The following PCBP2 variants were observed in gnomAD, a reference collection of about 807,000 sequenced individuals.
The protein encoded by PCBP2 is poly(rC)-binding protein 2.
A neutral mutation model predicts 50.1 loss-of-function variants in PCBP2; 4 were observed. The ratio of observed to expected loss-of-function variants is 0.08; its 90% CI spans 0.04 to 0.18. The LOEUF is 0.18. Ranked by LOEUF, PCBP2 falls within the 10% of genes least tolerant of loss-of-function variation. PCBP2 has a pLI of 1.00. For missense variants in PCBP2, 161 were observed against 474.3 expected (o/e 0.34, Z 6.14); for synonymous variants, 179 against 168.0 (o/e 1.07, Z -0.51).
At position 53,464,863 on chromosome 12, in the gene PCBP2, A is replaced by G. The variant is rs1308599452; in HGVS notation, c.672+11A>G. 1 of 1,594,688 alleles carries G rather than the reference A, an allele frequency of 6.3e-7. No individual in the cohort carries two copies. The highest frequency in any genetic ancestry group is 8.5e-7 in the Non-Finnish European group (1 of 1,173,710). ...GGACCACCTCTAGAGGTGAGAGGGG[A>G]TGTTCAGTCTCCAAGGCTCACTCAA... is the stretch of plus-strand genomic sequence containing the variant. On this transcript the variant is annotated intron_variant, in intron 9 of 14. Coordinates refer to ENST00000546463, the MANE Select transcript of PCBP2 (RefSeq NM_031989.5).
chr12:53,466,671 T>C (rs1304145379), intron 10 of PCBP2, among the ~76,000 whole-genome samples: 1 of 152,222 alleles, frequency 6.6e-6, no homozygotes, highest in Non-Finnish European at 1.5e-5. Flanking sequence ...AGGATTATTT[T>C]ATGACAGTCA....
chr12:53,474,387 T>C (rs1477459705), intron 14 of PCBP2, among the ~76,000 whole-genome samples: 1 of 152,268 alleles, frequency 6.6e-6, no homozygotes, highest in Non-Finnish European at 1.5e-5. Flanking sequence ...AAGCAGACTT[T>C]AATACATAGC....
intron 2 of PCBP2, 40 bp from the exon 3 acceptor site, chr12:53,455,307 C>T (rs766608402): frequency 2.5e-5 from 39 of 1,583,042 alleles, no homozygotes; most frequent in Non-Finnish European, 3.4e-5. Flanking sequence ...AGGAATACTT[C>T]TGAGTTTCCT....
At chr12:53,472,850 T>G (rs1481319340) in intron 14 of PCBP2, among the ~76,000 whole-genome samples, 1 of 152,156 alleles carries the variant, frequency 6.6e-6, no homozygotes, top group South Asian at 2.1e-4. Flanking sequence ...GCTACTACTC[T>G]TTGTGTAGAA....
intron 14 of PCBP2, among the ~76,000 whole-genome samples, chr12:53,472,624 T>C (rs574850257): frequency 4.6e-5 from 7 of 152,384 alleles, no homozygotes; most frequent in African/African-American, 1.4e-4. Flanking sequence ...TGTCTAGTTA[T>C]CATTTACCTT....
chr12:53,466,790 C>T (rs527500864), intron 10 of PCBP2, among the ~76,000 whole-genome samples: 2 of 151,960 alleles, frequency 1.3e-5, no homozygotes, highest in Admixed American at 6.6e-5. Context: ...AGTCTCCCTG[C>T]CCCCCTCATC....
At chr12:53,474,308 T>TA (rs1216701044) in intron 14 of PCBP2, among the ~76,000 whole-genome samples, 1 of 152,226 alleles carries the variant, frequency 6.6e-6, no homozygotes, top group Non-Finnish European at 1.5e-5. Context: ...AATTTGAAAT[T>TA]AGTCAGTGAC....
intron 11 of PCBP2, 139 bp from the exon 12 acceptor site, chr12:53,467,666 C>T: frequency 2.7e-6 from 2 of 750,610 alleles, no homozygotes; most frequent in Non-Finnish European, 4.6e-6. Context: ...TCCATTTGTG[C>T]CAAATTGTGT....
chr12:53,472,468 A>G lies in PCBP2; in HGVS notation c.1052+661A>G, dbSNP rs920714908. Among the ~76,000 whole-genome samples the G allele has an allele frequency of 5.9e-5, 9 of 152,252 alleles. No individual in the cohort carries two copies. In the East Asian group the frequency reaches 1.5e-3, roughly 26 times the overall value. ...GTGTTACTACTCTCAATTTTAGGAC[A>G]CTGTTCACAGTCAAATGGGATCCTA... On this transcript the variant is annotated intron_variant, in intron 14 of 14. Coordinates refer to ENST00000546463, the MANE Select transcript of PCBP2 (RefSeq NM_031989.5).
chr12:53,470,582 A>AT (rs887032789), intron 13 of PCBP2, among the ~76,000 whole-genome samples: 22 of 150,160 alleles, frequency 1.5e-4, no homozygotes, highest in East Asian at 4.1e-4. Flanking sequence ...CTTTTTTTGT[A>AT]TTTTTTTTGT....
At chr12:53,479,069 A>T (rs1342865818) in intron 14 of PCBP2, among the ~76,000 whole-genome samples, 2 of 151,998 alleles carry the variant, frequency 1.3e-5, no homozygotes, top group Non-Finnish European at 2.9e-5. Context: ...ATAAAGAAAC[A>T]TTGCTTCTGT....
In PCBP2 at chr12:53,461,020, A is replaced by G. The variant is rs940993727; in HGVS notation, c.381A>G (p.Thr127=). The G allele has an allele frequency of 4.3e-6, 7 of 1,613,436 alleles. No homozygotes were observed. Among genetic ancestry groups the G allele is most frequent in the Non-Finnish European group, 5.9e-6 (7 of 1,179,946 alleles). ...GCKIKEIRES[T]GAQVQVAGDM... ...AATTTCTTTTTACTCCAAAGAGTAC[A>G]GGGGCTCAGGTCCAGGTGGCAGGGG... is the stretch of plus-strand genomic sequence containing the variant. The change falls in exon 7 of 15, where the codon ACA becomes ACG. Residue 127 remains threonine, a synonymous_variant. Coordinates refer to ENST00000546463, the MANE Select transcript of PCBP2 (RefSeq NM_031989.5).
At chr12:53,468,501 C>A in intron 12 of PCBP2, 2 of 477,750 alleles carry the variant, frequency 4.2e-6, no homozygotes, top group Non-Finnish European at 7.5e-6. Flanking sequence ...ACCACACTCC[C>A]TTGCCCTTGC....
rs753784903 is a variant in PCBP2 at position 53,454,854 on chromosome 12, A to G, written c.54A>G (p.Leu18=). 4 of 1,613,972 alleles carry G rather than the reference A, an allele frequency of 2.5e-6. No individual in the cohort carries two copies. The highest frequency in any genetic ancestry group is 1.1e-5 in the South Asian group (1 of 91,086). The change falls in exon 2 of 15, where the codon CTA becomes CTG. Residue 18 remains leucine, a synonymous_variant. Coordinates refer to ENST00000546463, the MANE Select transcript of PCBP2 (RefSeq NM_031989.5). ...GGLNVTLTIR[L]LMHGKEVGSI... is the part of the protein sequence containing the mutation. ...TAAATGTCACTCTCACCATCCGGCT[A>G]CTTATGCATGGAAAGGTATGCTCTA...
intron 14 of PCBP2, among the ~76,000 whole-genome samples, chr12:53,477,477 AAC>A (rs1397156415): frequency 6.6e-6 from 1 of 151,940 alleles, no homozygotes; most frequent in Non-Finnish European, 1.5e-5. Context: ...CATCCTGGCT[AAC>A]ACAGTGAAAC....
intron 5 of PCBP2, among the ~76,000 whole-genome samples, chr12:53,458,826 A>T (rs1941238479): frequency 6.6e-6 from 1 of 151,568 alleles, no homozygotes; most frequent in South Asian, 2.1e-4. Context: ...TTTAGTGGAG[A>T]CGGGGTCTCA....
At chr12:53,470,571 A>T (rs1368386568) in intron 13 of PCBP2, among the ~76,000 whole-genome samples, 1 of 151,334 alleles carries the variant, frequency 6.6e-6, no homozygotes, top group Non-Finnish European at 1.5e-5. Context: ...TCCCTGGCTA[A>T]CTTTTTTTGT....
Position 53,455,798 on chromosome 12 carries a change from A to G in PCBP2, c.127-87A>G, listed in dbSNP as rs934758470. On this transcript the variant is annotated intron_variant, in intron 4 of 14. Transcript: ENST00000546463. ...TTTGCTTTGCATCAGGATCATGTAC[A>G]TTGGCAGTCTTATAAGGGACTGTAG... is the stretch of plus-strand genomic sequence containing the variant. 6 of 880,760 alleles carry G rather than the reference A, an allele frequency of 6.8e-6. No individual in the cohort carries two copies. In the East Asian group the frequency reaches 7.2e-5, roughly 11 times the overall value. 54.6% of individuals were successfully genotyped at this position (880,760 alleles called of 1,614,324 possible). A position where few individuals can be genotyped will look rare whatever the true frequency, so the allele number is the denominator to read the frequency against.
intron 12 of PCBP2, chr12:53,468,090 C>A (rs1941942593): frequency 2.0e-6 from 1 of 492,876 alleles, no homozygotes; most frequent in South Asian, 3.5e-5. Flanking sequence ...AGCCAGCTGG[C>A]CTGGTTCAGT....
Sources: gnomAD v4.1 joint callset for allele counts (sites outside exome capture counted in the v4.1 genomes callset) on GRCh38, gnomAD v4.1.1 for gene constraint, MANE v1.5 for transcripts, NCBI Gene and HGNC (gene_info 2026-07-23, HGNC 2026-07-21) for gene names.